The following RELN variants were observed in gnomAD, a reference collection of about 807,000 sequenced individuals.
RELN encodes reelin.
In RELN, 108 loss-of-function variants were observed where a neutral mutation model predicts 427.6. That is an observed-to-expected ratio of 0.25 (90% CI 0.22 to 0.30). RELN has a LOEUF of 0.30. RELN is among the 10% of genes least tolerant of loss of function. The probability of loss-of-function intolerance (pLI) is 1.00; values close to 1 mark genes in which losing one functional copy is unlikely to be tolerated. For synonymous variants in RELN, 1,524 were observed against 1,513.4 expected (o/e 1.01, Z -0.16); for missense variants, 3,715 against 4,302.8 (o/e 0.86, Z 3.82).
chr7:103,661,968 T>C (rs911404660), intron 11 of RELN, among the ~76,000 whole-genome samples: 1 of 152,176 alleles, frequency 6.6e-6, no homozygotes, highest in Non-Finnish European at 1.5e-5. Flanking sequence ...GTCATAAGAA[T>C]TGGCAAAAGT....
intron 1 of RELN, among the ~76,000 whole-genome samples, chr7:103,941,580 T>G (rs1796115395): frequency 6.6e-6 from 1 of 152,212 alleles, no homozygotes; most frequent in Admixed American, 6.5e-5. Context: ...AATCATAAAT[T>G]TAATGTCTAC....
chr7:103,696,295 A>C (rs1018184244), intron 10 of RELN, among the ~76,000 whole-genome samples: 9 of 152,138 alleles, frequency 5.9e-5, no homozygotes, highest in African/African-American at 2.2e-4. Context: ...ATATCACCTA[A>C]GTGCAATTTC....
chr7:103,476,055 G>T (rs954638538), intron 64 of RELN, among the ~76,000 whole-genome samples: 17 of 152,112 alleles, frequency 1.1e-4, no homozygotes, highest in African/African-American at 3.4e-4. Flanking sequence ...CCTGGCCTGG[G>T]TGCTCTTTAA....
intron 4 of RELN, among the ~76,000 whole-genome samples, chr7:103,767,900 C>G (rs1791464507): frequency 2.0e-5 from 3 of 152,128 alleles, no homozygotes; most frequent in Admixed American, 2.0e-4. Context: ...CTCTTCCCCC[C>G]TCCATCCAGC....
chr7:103,747,431 A>AC (rs1160355306), intron 6 of RELN, among the ~76,000 whole-genome samples: 1 of 151,732 alleles, frequency 6.6e-6, no homozygotes, highest in Non-Finnish European at 1.5e-5. Flanking sequence ...AAATTAAAAA[A>AC]ATAAAAAGAA....
intron 8 of RELN, among the ~76,000 whole-genome samples, chr7:103,706,224 T>TAAA (rs34822414): frequency 1.4e-5 from 2 of 143,392 alleles, no homozygotes; most frequent in African/African-American, 5.0e-5. Context: ...TTTCACTTGT[T>TAAA]AAAAAAAAAA....
chr7:103,500,925 A>G lies in RELN; in HGVS notation c.8490-3T>C, dbSNP rs373564931. Reference sequence around the variant, plus strand: ...GATAGAACCTAAACCTTACCGGACTATTGACAATGCAAAAGCAAAGGAGTG... The same window carrying G: ...GATAGAACCTAAACCTTACCGGACTGTTGACAATGCAAAAGCAAAGGAGTG... On this transcript the variant is annotated splice_region_variant and splice_polypyrimidine_tract_variant and intron_variant, in intron 52 of 64. Coordinates refer to ENST00000428762, the MANE Select transcript of RELN (RefSeq NM_005045.4). 8.1e-6 allele frequency: 13 copies of G among 1,614,016 alleles called. No individual in the cohort carries two copies. The highest frequency in any genetic ancestry group is 5.0e-5 in the Admixed American group (3 of 60,016).
intron 17 of RELN, among the ~76,000 whole-genome samples, chr7:103,639,387 T>C (rs955854198): frequency 1.3e-5 from 2 of 151,698 alleles, no homozygotes; most frequent in African/African-American, 4.8e-5. Context: ...CAATTTCTTT[T>C]TTTTCTTTTT....
chr7:103,796,516 A>G (rs1792302036), intron 3 of RELN, among the ~76,000 whole-genome samples: 1 of 152,208 alleles, frequency 6.6e-6, no homozygotes, highest in African/African-American at 2.4e-5. Flanking sequence ...GATACAATTC[A>G]TAGCATCCAA....
intron 64 of RELN, among the ~76,000 whole-genome samples, chr7:103,473,262 G>A (rs1316670670): frequency 2.0e-5 from 3 of 152,294 alleles, no homozygotes; most frequent in African/African-American, 7.2e-5. Context: ...CATTTGAGAA[G>A]TGTGCTCTAT....
chr7:103,631,286 C>CTTTTT (rs545808640), intron 19 of RELN, among the ~76,000 whole-genome samples: 11,045 of 76,960 alleles, frequency 0.14, 1,802 homozygotes, highest in South Asian at 0.18. Context: ...AAAAACACTT[C>CTTTTT]TTTTTTTTTT....
chr7:103,951,283 T>C (rs1437876282), intron 1 of RELN, among the ~76,000 whole-genome samples: 1 of 152,196 alleles, frequency 6.6e-6, no homozygotes, highest in African/African-American at 2.4e-5. Context: ...ATCACATATA[T>C]ATCAAGATAC....
chr7:103,711,015 G>A (rs192186753), intron 8 of RELN, among the ~76,000 whole-genome samples: 25 of 152,286 alleles, frequency 1.6e-4, no homozygotes, highest in Middle Eastern at 3.4e-3. Flanking sequence ...CTGTACTCCA[G>A]CCTGGCAACA....
chr7:103,908,213 G>C (rs996633997), intron 2 of RELN, among the ~76,000 whole-genome samples: 5 of 152,098 alleles, frequency 3.3e-5, no homozygotes, highest in African/African-American at 1.2e-4. Flanking sequence ...AGAAACTTGA[G>C]TGCAGCTCCC....
chr7:103,740,014 G>A (rs1335239127), intron 6 of RELN, among the ~76,000 whole-genome samples: 1 of 152,180 alleles, frequency 6.6e-6, no homozygotes, highest in East Asian at 1.9e-4. Flanking sequence ...GACTAGATGA[G>A]ATAATGGAAG....
intron 3 of RELN, among the ~76,000 whole-genome samples, chr7:103,813,537 T>C (rs1792795377): frequency 6.6e-6 from 1 of 152,098 alleles, no homozygotes; most frequent in Admixed American, 6.5e-5. Flanking sequence ...AGAATATTTA[T>C]AATTTTAGAA....
intron 2 of RELN, among the ~76,000 whole-genome samples, chr7:103,867,527 A>G (rs1794229049): frequency 2.6e-5 from 4 of 152,130 alleles, no homozygotes; most frequent in Admixed American, 2.6e-4. Context: ...CAACTATTAA[A>G]CTTACATAAG....
At chr7:103,926,627 G>GT (rs60259062) in intron 1 of RELN, among the ~76,000 whole-genome samples, 2,233 of 99,252 alleles carry the variant, frequency 0.022, 435 homozygotes, top group Middle Eastern at 0.031. Context: ...AGTATCATAA[G>GT]TTTTTTTTTT....
chr7:103,623,946 T>C (rs907886941), intron 20 of RELN, among the ~76,000 whole-genome samples: 1 of 152,210 alleles, frequency 6.6e-6, no homozygotes, highest in Non-Finnish European at 1.5e-5. Flanking sequence ...ATAACCCATC[T>C]TTTGTAACTT....
Sources: gnomAD v4.1 joint callset for allele counts (sites outside exome capture counted in the v4.1 genomes callset) on GRCh38, gnomAD v4.1.1 for gene constraint, MANE v1.5 for transcripts, NCBI Gene and HGNC (gene_info 2026-07-23, HGNC 2026-07-21) for gene names.